The following FIGN variants were observed in gnomAD, a reference collection of about 807,000 sequenced individuals.
FIGN encodes fidgetin.
FIGN carries 11 observed loss-of-function variants against 51.3 expected under a neutral mutation model. The ratio of observed to expected loss-of-function variants is 0.21; its 90% CI spans 0.13 to 0.35. The LOEUF (loss-of-function observed/expected upper bound fraction) is 0.35, where lower values mean the gene tolerates loss of function less well. Among genes scored for constraint, FIGN ranks in the 10% least tolerant of loss-of-function variants. The pLI is 1.00. For missense variants in FIGN, 857 were observed against 943.6 expected (o/e 0.91, Z 1.20); for synonymous variants, 407 against 363.2 (o/e 1.12, Z -1.37).
rs1691055828 is a variant in FIGN, at chr2:163,604,936, C to CTTTTTGTTTTTTTT, written c.*4615_*4616insAAAAAAAACAAAAA. The CTTTTTGTTTTTTTT allele has an allele frequency of 4.2e-5, 4 of 94,258 alleles. No individual in the cohort carries two copies. Among genetic ancestry groups the CTTTTTGTTTTTTTT allele is most frequent in the Non-Finnish European group, 5.6e-5 (3 of 53,126 alleles). The allele number at this position is 94,258 out of a possible 1,614,324, so 5.8% of individuals were successfully genotyped here. A position where few individuals can be genotyped will look rare whatever the true frequency, so the allele number is the denominator to read the frequency against. On this transcript the variant is annotated 3_prime_UTR_variant, in exon 3 of 3. Transcript: ENST00000333129. ...TTTTAAGCCCAGAAATAAACTTTTG[C>CTTTTTGTTTTTTTT]TTTTTTTTTTTTTTTTTTTGTATCA...
At chr2:163,735,591 A>C (rs564513424) in intron 1 of FIGN, among the ~76,000 whole-genome samples, 5 of 152,334 alleles carry the variant, frequency 3.3e-5, no homozygotes, top group Middle Eastern at 3.4e-3. Context: ...CGAACTCTTA[A>C]TCCCATACTA....
intron 2 of FIGN, among the ~76,000 whole-genome samples, chr2:163,704,652 TCTCTCACA>T (rs1380510633): frequency 5.4e-4 from 72 of 132,914 alleles, no homozygotes; most frequent in African/African-American, 1.7e-3. Flanking sequence ...TCTCTCTCTC[TCTCTCACA>T]CACACACACA....
At chr2:163,714,944 G>A (rs910044074) in intron 2 of FIGN, among the ~76,000 whole-genome samples, 9 of 152,042 alleles carry the variant, frequency 5.9e-5, no homozygotes, top group Non-Finnish European at 1.0e-4. Context: ...TTTATTTATA[G>A]CCGATGGGCC....
chr2:163,652,103 C>A (rs1683485735), intron 2 of FIGN, among the ~76,000 whole-genome samples: 1 of 152,148 alleles, frequency 6.6e-6, no homozygotes, highest in African/African-American at 2.4e-5. Context: ...GCCCCTCTAT[C>A]CGCAGCTCAT....
At chr2:163,666,158 A>C (rs1233459700) in intron 2 of FIGN, among the ~76,000 whole-genome samples, 1 of 152,198 alleles carries the variant, frequency 6.6e-6, no homozygotes, top group Non-Finnish European at 1.5e-5. Flanking sequence ...GGTAGAAAGA[A>C]TATGGATGCA....
At chr2:163,710,637 C>T (rs1212227484) in intron 2 of FIGN, among the ~76,000 whole-genome samples, 2 of 152,182 alleles carry the variant, frequency 1.3e-5, no homozygotes, top group Non-Finnish European at 2.9e-5. Context: ...CTGACTATGA[C>T]ATAATAGTGC....
chr2:163,668,465 A>G (rs555053810), intron 2 of FIGN, among the ~76,000 whole-genome samples: 3 of 152,308 alleles, frequency 2.0e-5, no homozygotes, highest in Non-Finnish European at 2.9e-5. Flanking sequence ...AATTTGCCAC[A>G]TGCAGGACAG....
At chr2:163,722,507 T>A (rs1460853653) in intron 2 of FIGN, among the ~76,000 whole-genome samples, 2 of 152,326 alleles carry the variant, frequency 1.3e-5, no homozygotes, top group Admixed American at 1.3e-4. Context: ...TTTTATGATT[T>A]CTGTACCCTC....
At chr2:163,715,592 T>G (rs928252515) in intron 2 of FIGN, among the ~76,000 whole-genome samples, 2 of 152,100 alleles carry the variant, frequency 1.3e-5, no homozygotes, top group Non-Finnish European at 2.9e-5. Flanking sequence ...GGAGAATGAA[T>G]GGAAGACAGA....
intron 2 of FIGN, among the ~76,000 whole-genome samples, chr2:163,691,431 T>C (rs1182123935): frequency 6.6e-6 from 1 of 152,184 alleles, no homozygotes; most frequent in East Asian, 1.9e-4. Flanking sequence ...CTGTCCTCCT[T>C]CACTCATTTT....
Position 163,610,601 on chromosome 2 carries a change from A to C in FIGN, c.1231T>G (p.Leu411Val). ...PPSYSTAKNS[L>V]GSRSSESFGK... is the part of the protein sequence containing the mutation. ...AAGGATTCACTGGATCTTGATCCCA[A>C]TGAATTTTTAGCAGTACTGTAGGAA... Residue 411 changes from leucine to valine, a missense_variant, in exon 3 of 3, where the codon TTG becomes GTG. Transcript: ENST00000333129. 1.2e-6 allele frequency: 2 copies of C among 1,614,180 alleles called. No homozygotes were observed. The highest frequency in any genetic ancestry group is 1.7e-6 in the Non-Finnish European group (2 of 1,180,028).
chr2:163,665,024 T>C (rs1559013969), intron 2 of FIGN, among the ~76,000 whole-genome samples: 1 of 152,256 alleles, frequency 6.6e-6, no homozygotes, highest in Non-Finnish European at 1.5e-5. Flanking sequence ...CAGAAGATAA[T>C]TGATTATTTG....
rs1319631354 is a variant in FIGN at position 163,607,590 on chromosome 2, A to C, written c.*1962T>G. 2 of 152,128 alleles carry C rather than the reference A, an allele frequency of 1.3e-5. No individual in the cohort carries two copies. The highest frequency in any genetic ancestry group is 4.8e-5 in the African/African-American group (2 of 41,274). The allele number at this position is 152,128 out of a possible 1,614,324, so 9.4% of individuals were successfully genotyped here. A position where few individuals can be genotyped will look rare whatever the true frequency, so the allele number is the denominator to read the frequency against. ...AAGATCGGTAAAAATTTTTGTAAGA[A>C]AAAAAAAACAGAAAGGCCTTTCTTG... On this transcript the variant is annotated 3_prime_UTR_variant, in exon 3 of 3. Coordinates refer to ENST00000333129, the MANE Select transcript of FIGN (RefSeq NM_018086.4).
At chr2:163,668,711 C>T (rs976352253) in intron 2 of FIGN, among the ~76,000 whole-genome samples, 10 of 151,880 alleles carry the variant, frequency 6.6e-5, no homozygotes, top group Admixed American at 2.0e-4. Context: ...GAGGCTGAGG[C>T]GGGCAGATCA....
chr2:163,614,870 A>T (rs2165310), intron 2 of FIGN, among the ~76,000 whole-genome samples: 13,878 of 152,148 alleles, frequency 0.091, 1,231 homozygotes, highest in East Asian at 0.35. Flanking sequence ...TAGCTTAAGT[A>T]ATGTTTTCTT....
chr2:163,710,326 G>A (rs1291831123), intron 2 of FIGN, among the ~76,000 whole-genome samples: 3 of 152,186 alleles, frequency 2.0e-5, no homozygotes, highest in African/African-American at 7.2e-5. Context: ...AAGGATACAA[G>A]CTACACTTTC....
At chr2:163,629,600 A>T (rs1255626187) in intron 2 of FIGN, among the ~76,000 whole-genome samples, 1 of 152,136 alleles carries the variant, frequency 6.6e-6, no homozygotes, top group East Asian at 1.9e-4. Context: ...AGCAGGCCAA[A>T]TCCAGTGTGA....
At chr2:163,613,670 T>G (rs1449269982) in intron 2 of FIGN, among the ~76,000 whole-genome samples, 1 of 152,206 alleles carries the variant, frequency 6.6e-6, no homozygotes, top group African/African-American at 2.4e-5. Context: ...AAGAGAATCA[T>G]GCCAGGGCTG....
intron 1 of FIGN, among the ~76,000 whole-genome samples, chr2:163,735,413 T>G (rs947296946): frequency 6.6e-6 from 1 of 152,224 alleles, no homozygotes; most frequent in Non-Finnish European, 1.5e-5. Context: ...CCTCAACTTT[T>G]TGTGTGTGTG....
Sources: gnomAD v4.1 joint callset for allele counts (sites outside exome capture counted in the v4.1 genomes callset) on GRCh38, gnomAD v4.1.1 for gene constraint, MANE v1.5 for transcripts, NCBI Gene and HGNC (gene_info 2026-07-23, HGNC 2026-07-21) for gene names.